The following IFT74 variants were observed in gnomAD, a reference collection of about 807,000 sequenced individuals.
IFT74 encodes intraflagellar transport protein 74 homolog.
IFT74 carries 92 observed loss-of-function variants against 96.7 expected under a neutral mutation model. That is an observed-to-expected ratio of 0.95 (90% CI 0.80 to 1.13). IFT74 has a LOEUF of 1.13. Ranked by LOEUF, IFT74 falls within the 50% of genes most tolerant of loss-of-function variation. The pLI is 0.00. For missense variants in IFT74, 811 were observed against 698.2 expected, an observed-to-expected ratio of 1.16 and a Z score of -1.82; for synonymous variants, 223 against 213.2, an observed-to-expected ratio of 1.05 and a Z score of -0.40.
At chr9:27,000,690 G>A (rs776876072) in intron 8 of IFT74, among the ~76,000 whole-genome samples, 4 of 152,102 alleles carry the variant, frequency 2.6e-5, no homozygotes, top group Non-Finnish European at 4.4e-5. Context: ...TAAATTAGAC[G>A]AGAGGGAGAG....
At chr9:26,987,677 T>C (rs1324791081) in intron 6 of IFT74, among the ~76,000 whole-genome samples, 2 of 152,216 alleles carry the variant, frequency 1.3e-5, no homozygotes. Flanking sequence ...CTGTTCACAT[T>C]CTGGCTCTAT....
intron 13 of IFT74, among the ~76,000 whole-genome samples, chr9:27,032,889 G>C (rs1830189300): frequency 6.6e-6 from 1 of 151,426 alleles, no homozygotes; most frequent in South Asian, 2.1e-4. Context: ...AAAAAAAAAA[G>C]TCTTTTAAAC....
intron 8 of IFT74, chr9:26,997,959 T>C (rs1419983911): frequency 1.5e-5 from 24 of 1,613,772 alleles, no homozygotes; most frequent in Middle Eastern, 1.6e-4. Flanking sequence ...TGTTTTAGTT[T>C]ATTTAAGCCT....
chr9:27,005,973 A>G (rs1347171503), intron 8 of IFT74, among the ~76,000 whole-genome samples: 1 of 151,916 alleles, frequency 6.6e-6, no homozygotes, highest in Non-Finnish European at 1.5e-5. Flanking sequence ...CCTCCTGAGT[A>G]GCTGGGATTA....
intron 11 of IFT74, 109 bp downstream of exon 11, chr9:27,017,159 G>C: frequency 1.4e-6 from 1 of 732,048 alleles, no homozygotes; most frequent in Non-Finnish European, 2.1e-6. Context: ...TAAGTGTATT[G>C]TCTAAAAATA....
chr9:27,006,659 G>T (rs1355356950), intron 8 of IFT74, among the ~76,000 whole-genome samples: 1 of 148,774 alleles, frequency 6.7e-6, no homozygotes, highest in Non-Finnish European at 1.5e-5. Flanking sequence ...GAGAGGAGGG[G>T]GAGGGGAAGG....
chr9:27,057,968 A>C (rs552676145), intron 18 of IFT74, among the ~76,000 whole-genome samples: 1 of 152,264 alleles, frequency 6.6e-6, no homozygotes, highest in East Asian at 1.9e-4. Context: ...CGTTGTTAAC[A>C]TTTTGGTGCC....
intron 12 of IFT74, among the ~76,000 whole-genome samples, chr9:27,028,423 A>AAG (rs1829973156): frequency 6.6e-6 from 1 of 152,202 alleles, no homozygotes; most frequent in African/African-American, 2.4e-5. Context: ...TCAGGCAACT[A>AAG]GTGTTCTCAG....
At chr9:26,965,992 G>A (rs1366415010) in intron 2 of IFT74, among the ~76,000 whole-genome samples, 1 of 151,824 alleles carries the variant, frequency 6.6e-6, no homozygotes, top group African/African-American at 2.4e-5. Flanking sequence ...GTGTTTCATA[G>A]TATGTGTATA....
chr9:27,049,783 T>C (rs1202527401), intron 16 of IFT74, among the ~76,000 whole-genome samples: 2 of 152,144 alleles, frequency 1.3e-5, no homozygotes, highest in East Asian at 1.9e-4. Context: ...TAAGAAGAGA[T>C]GATGTTTCAC....
rs534674988 is a variant in IFT74, at chr9:27,012,169, G to A, written c.789+201G>A. ...GATTCAGTTATTGAGTACCTACTAT[G>A]TATAAAACAAATCATTCCGCCCTAC... On this transcript the variant is annotated intron_variant, in intron 10 of 19. Transcript: ENST00000380062. Among the ~76,000 whole-genome samples the A allele has an allele frequency of 2.6e-5, 4 of 152,264 alleles. No homozygotes were observed. The East Asian group carries it at 5.8e-4, about 22-fold the overall frequency.
intron 9 of IFT74, among the ~76,000 whole-genome samples, chr9:27,009,611 G>A (rs889091113): frequency 2.0e-5 from 3 of 151,832 alleles, no homozygotes; most frequent in African/African-American, 7.3e-5. Flanking sequence ...GGAGGTTGCA[G>A]TAGTGAGCTG....
intron 12 of IFT74, among the ~76,000 whole-genome samples, chr9:27,019,442 G>C (rs10812513): frequency 0.096 from 14,512 of 151,780 alleles, 1,773 homozygotes; most frequent in East Asian, 0.67. Context: ...TTGCTTTCTC[G>C]AAGATCAGCT....
chr9:27,025,593 AG>A (rs2131636345), intron 12 of IFT74, among the ~76,000 whole-genome samples: 1 of 152,322 alleles, frequency 6.6e-6, no homozygotes, highest in Admixed American at 6.5e-5. Flanking sequence ...ATGAGGCAAA[AG>A]CATCAGGTAA....
chr9:27,024,000 C>G (rs1829735668), intron 12 of IFT74, among the ~76,000 whole-genome samples: 1 of 152,180 alleles, frequency 6.6e-6, no homozygotes, highest in Non-Finnish European at 1.5e-5. Context: ...TGTATCCCCC[C>G]ATACTACTGC....
At chr9:26,952,280 C>CT (rs201440207), upstream of IFT74, among the ~76,000 whole-genome samples, 34,789 of 141,580 alleles carry the variant, frequency 0.25, 4,211 homozygotes, top group Middle Eastern at 0.3. Flanking sequence ...TTTTTTTAAC[C>CT]TTTTTTTTTT....
chr9:26,950,905 T>C (rs1049920040), intron 1 of IFT74, among the ~76,000 whole-genome samples: 1 of 152,264 alleles, frequency 6.6e-6, no homozygotes, highest in African/African-American at 2.4e-5. Context: ...TAAAATTCTA[T>C]GAACACTAAA....
intron 19 of IFT74, among the ~76,000 whole-genome samples, chr9:27,061,168 T>C (rs200975253): frequency 0.013 from 1,853 of 145,580 alleles, 22 homozygotes; most frequent in Middle Eastern, 0.032. Flanking sequence ...TGTGTGTGTG[T>C]GCGCACGCAC....
chr9:26,948,602 G>A (rs1306349971), intron 1 of IFT74, among the ~76,000 whole-genome samples: 2 of 151,418 alleles, frequency 1.3e-5, no homozygotes, highest in Non-Finnish European at 2.9e-5. Context: ...GAGTAGCTGG[G>A]ACTACAGGAG....
Sources: gnomAD v4.1 joint callset for allele counts (sites outside exome capture counted in the v4.1 genomes callset) on GRCh38, gnomAD v4.1.1 for gene constraint, MANE v1.5 for transcripts, NCBI Gene and HGNC (gene_info 2026-07-23, HGNC 2026-07-21) for gene names.